The following VPS33B variants were observed in gnomAD, a reference collection of about 807,000 sequenced individuals.
VPS33B encodes the protein vacuolar protein sorting-associated protein 33B.
In VPS33B, 80 loss-of-function variants were observed where a neutral mutation model predicts 95.3. The observed-to-expected ratio is 0.84, with a 90% CI of 0.70 to 1.01. The LOEUF is 1.01. VPS33B is among the 50% of genes least tolerant of loss of function. The probability of loss-of-function intolerance (pLI) is 0.00; values close to 1 mark genes in which losing one functional copy is unlikely to be tolerated. For synonymous variants in VPS33B, 280 were observed against 280.4 expected (o/e 1.00, Z 0.01); for missense variants, 715 against 773.4 (o/e 0.92, Z 0.90).
chr15:91,017,392 ATAT>A (rs2040969102), intron 2 of VPS33B, among the ~76,000 whole-genome samples: 6 of 92,936 alleles, frequency 6.5e-5, no homozygotes, highest in Non-Finnish European at 1.4e-4. Flanking sequence ...ATATATATAT[ATAT>A]ATATATATAT....
chr15:91,005,070 T>C lies in VPS33B; in HGVS notation c.1155A>G (p.Glu385=). The stretch of plus-strand genomic sequence containing the variant: ...ACCTGCGCACCTGCCGGTCTATGTG[T>C]TCCTCAATGTAGCTGGTGCTCTCCC... ...NIRESTSYIE[E]HIDRQVSPIE... is the part of the protein sequence containing the mutation. The change falls in exon 15 of 23, where the codon GAA becomes GAG. Residue 385 remains glutamate, a synonymous_variant. Coordinates refer to ENST00000333371, the MANE Select transcript of VPS33B (RefSeq NM_018668.5). This position sits in a 1 kb window ranked among gnomAD's most constrained non-coding sequence, Gnocchi z 6.4. The C allele has an allele frequency of 6.2e-7, 1 of 1,614,248 alleles. No homozygotes were observed. The highest frequency in any genetic ancestry group is 8.5e-7 in the Non-Finnish European group (1 of 1,180,050).
intron 19 of VPS33B, 56 bp downstream of exon 19, chr15:91,001,333 G>C (rs975180272): frequency 6.1e-6 from 6 of 990,930 alleles, no homozygotes; most frequent in South Asian, 4.1e-5. Context: ...AAAAAGAAAA[G>C]TACTCCACAA....
chr15:91,006,835 C>T lies in VPS33B; in HGVS notation c.701-106G>A. ...TTCCATAGGGCCAAGGACCCACGCT[C>T]CTCAAAGCTGGGATTCACAGCCCTA... On this transcript the variant is annotated intron_variant, in intron 9 of 22. Transcript: ENST00000333371. This position sits in a 1 kb window ranked among gnomAD's most constrained non-coding sequence, Gnocchi z 5.4. The T allele has an allele frequency of 1.3e-6, 2 of 1,583,998 alleles. No homozygotes were observed. The highest frequency in any genetic ancestry group is 1.7e-6 in the Non-Finnish European group (2 of 1,153,164).
intron 18 of VPS33B, among the ~76,000 whole-genome samples, 178 bp downstream of exon 18, chr15:91,001,872 A>T (rs1284373776): frequency 6.6e-6 from 1 of 152,212 alleles, no homozygotes; most frequent in Non-Finnish European, 1.5e-5. Context: ...GCACATGGTA[A>T]GTGTTTACTA....
chr15:91,014,379 C>T lies in VPS33B; in HGVS notation c.289+5G>A. On this transcript the variant is annotated splice_donor_5th_base_variant and intron_variant, in intron 4 of 22. Transcript: ENST00000333371. Reference sequence around the variant, plus strand: ...CAGTTACACATAGTACCATGGCACACTCACTGGCAATGTATCGCATATTCT... The same window carrying T: ...CAGTTACACATAGTACCATGGCACATTCACTGGCAATGTATCGCATATTCT... 1 of 1,614,104 alleles carries T rather than the reference C, an allele frequency of 6.2e-7. No homozygotes were observed. Among genetic ancestry groups the T allele is most frequent in the Non-Finnish European group, 8.5e-7 (1 of 1,180,018 alleles).
chr15:91,008,085 G>C, intron 6 of VPS33B, 121 bp from the exon 7 acceptor site: 1 of 867,310 alleles, frequency 1.2e-6, no homozygotes, highest in Non-Finnish European at 1.9e-6. Context: ...CCACATGCCA[G>C]TACTGCATTA....
rs1221650427 is a variant in VPS33B at position 91,022,452 on chromosome 15, T to C, written c.-203A>G. 5.6e-6 allele frequency: 3 copies of C among 537,206 alleles called. No homozygotes were observed. In the African/African-American group the frequency reaches 5.7e-5, roughly 10 times the overall value. The allele number at this position is 537,206 out of a possible 1,614,324, so 33.3% of individuals were successfully genotyped here. A position where few individuals can be genotyped will look rare whatever the true frequency, so the allele number is the denominator to read the frequency against. ...AGAGAGCTACTACCTCGGAGCAGCCTTGTCTCAGACCTGCAGCCACCGTGT... is the reference window on the plus strand; with the variant it reads ...AGAGAGCTACTACCTCGGAGCAGCCCTGTCTCAGACCTGCAGCCACCGTGT... On this transcript the variant is annotated 5_prime_UTR_variant, in exon 1 of 23. Transcript: ENST00000333371.
At position 91,021,743 on chromosome 15, in the gene VPS33B, GATC is replaced by G. The variant is rs369710691; in HGVS notation, c.96+408_96+410del. ...CACACTCACTTCCTTGAAGCTCCTAGATCATCACCCCAACTAGAAATGATCACT... is the reference window on the plus strand; with the variant it reads ...CACACTCACTTCCTTGAAGCTCCTAGATCACCCCAACTAGAAATGATCACT... On this transcript the variant is annotated intron_variant, in intron 1 of 22. Transcript: ENST00000333371. 7.5e-4 allele frequency among the ~76,000 whole-genome samples: 114 copies of G among 152,288 alleles called. 1 individual carries two copies. Among genetic ancestry groups the G allele is most frequent in the African/African-American group, 2.6e-3 (106 of 41,544 alleles).
chr15:90,999,887 T>C lies in VPS33B; in HGVS notation c.1657+13A>G. ...TCTCACTGCCAGCCTACCCCACTGTTAATGCCACATACCTGTGAATGCAAA... is the reference window on the plus strand; with the variant it reads ...TCTCACTGCCAGCCTACCCCACTGTCAATGCCACATACCTGTGAATGCAAA... On this transcript the variant is annotated intron_variant, in intron 21 of 22. Coordinates refer to ENST00000333371, the MANE Select transcript of VPS33B (RefSeq NM_018668.5). This position sits in a 1 kb window ranked among gnomAD's most constrained non-coding sequence, Gnocchi z 5.1. The C allele has an allele frequency of 6.2e-7, 1 of 1,614,194 alleles. No individual in the cohort carries two copies. Among genetic ancestry groups the C allele is most frequent in the Non-Finnish European group, 8.5e-7 (1 of 1,180,030 alleles).
rs945915893 is a variant in VPS33B at position 91,014,017 on chromosome 15, C to T, written c.290-146G>A. 18 of 955,102 alleles carry T rather than the reference C, an allele frequency of 1.9e-5. No homozygotes were observed. In the African/African-American group the frequency reaches 2.1e-4, roughly 11 times the overall value. The allele number at this position is 955,102 out of a possible 1,614,324, so 59.2% of individuals were successfully genotyped here. A position where few individuals can be genotyped will look rare whatever the true frequency, so the allele number is the denominator to read the frequency against. On this transcript the variant is annotated intron_variant, in intron 4 of 22. Transcript: ENST00000333371. ...TGGATCACCTGAGGTCAGGAGTTTGCGACCAGCCTGGCCAACATGGTGAAA... is the reference window on the plus strand; with the variant it reads ...TGGATCACCTGAGGTCAGGAGTTTGTGACCAGCCTGGCCAACATGGTGAAA...
rs561411412 is a variant in VPS33B at position 91,013,275 on chromosome 15, A to G, written c.357+529T>C. On this transcript the variant is annotated intron_variant, in intron 5 of 22. Transcript: ENST00000333371. The surrounding 1 kb of genome is among the most constrained non-coding windows in gnomAD (Gnocchi z 4.5). ...TGACAGACCCTCTGCTAAACAAATG[A>G]GGATATGTTAATGAATTGAGGATGC... 2.0e-5 allele frequency among the ~76,000 whole-genome samples: 3 copies of G among 152,360 alleles called. No homozygotes were observed. In the South Asian group the frequency reaches 6.2e-4, roughly 32 times the overall value.
chr15:91,018,842 G>C lies in VPS33B; in HGVS notation c.97-957C>G, dbSNP rs546235409. On this transcript the variant is annotated intron_variant, in intron 1 of 22. Coordinates refer to ENST00000333371, the MANE Select transcript of VPS33B (RefSeq NM_018668.5). The surrounding 1 kb of genome is among the most constrained non-coding windows in gnomAD (Gnocchi z 4.7). ...TTGTTTGTTTGTTTTTTGAGATGAA[G>C]TCTCCCTCTGACACCCAGGCTGGAG... 6.6e-6 allele frequency among the ~76,000 whole-genome samples: 1 copy of C among 152,090 alleles called. No individual in the cohort carries two copies. Among genetic ancestry groups the C allele is most frequent in the African/African-American group, 2.4e-5 (1 of 41,398 alleles).
chr15:91,004,222 TA>T (rs57109473), intron 16 of VPS33B, among the ~76,000 whole-genome samples: 298 of 113,718 alleles, frequency 2.6e-3, no homozygotes, highest in Admixed American at 2.5e-3. Flanking sequence ...GACTCTGTCT[TA>T]AAAAAAAAAA....
At chr15:91,019,522 GTTGGTTAGAA>G (rs1310244878) in intron 1 of VPS33B, among the ~76,000 whole-genome samples, 3 of 152,216 alleles carry the variant, frequency 2.0e-5, no homozygotes, top group African/African-American at 4.8e-5. Flanking sequence ...GACCAAAATA[GTTGGTTAGAA>G]TTGAGCAGGA....
chr15:91,006,970 T>A lies in VPS33B; in HGVS notation c.680A>T (p.His227Leu). ...TTTACCTCTGTCCAAGAGAAAGATA[T>A]GTCCAATCTCTGGCCTTCGGCCCTT... The part of the protein sequence containing the change: ...ETKGRRPEIG[H>L]IFLLDRDVDF... Residue 227 changes from histidine to leucine, a missense_variant, in exon 9 of 23, where the codon CAT becomes CTT. By Grantham distance (99) the His-to-Leu change is moderately conservative. Transcript: ENST00000333371. The surrounding 1 kb of genome is among the most constrained non-coding windows in gnomAD (Gnocchi z 5.4). 9 of 1,614,190 alleles carry A rather than the reference T, an allele frequency of 5.6e-6. No homozygotes were observed. The highest frequency in any genetic ancestry group is 6.8e-6 in the Non-Finnish European group (8 of 1,180,042).
Position 90,999,013 on chromosome 15 carries a change from C to G in VPS33B, c.1816G>C (p.Ala606Pro), listed in dbSNP as rs755882410. The G allele has an allele frequency of 6.2e-7, 1 of 1,614,060 alleles. No individual in the cohort carries two copies. Among genetic ancestry groups the G allele is most frequent in the Non-Finnish European group, 8.5e-7 (1 of 1,180,034 alleles). ...TCACTCATGGCCTCCATAAGGCGAG[C>G]GCTGTTTGTGACTGCTGTCGTCAGG... is the stretch of plus-strand genomic sequence containing the variant. Reference protein sequence around the residue: ...IFLTTAVTNSARLMEAMSEVK... With the variant: ...IFLTTAVTNSPRLMEAMSEVK... The change falls in exon 23 of 23, where the codon GCT (alanine) becomes CCT (proline). Residue 606 changes from alanine (A) to proline (P), a missense_variant. Transcript: ENST00000333371. The surrounding 1 kb of genome is among the most constrained non-coding windows in gnomAD (Gnocchi z 5.1).
At chr15:91,021,660 C>T (rs2041105914) in intron 1 of VPS33B, among the ~76,000 whole-genome samples, 1 of 152,198 alleles carries the variant, frequency 6.6e-6, no homozygotes, top group Non-Finnish European at 1.5e-5. Flanking sequence ...CAACTTTGCT[C>T]CTACCAATCT....
At chr15:91,001,963 A>C (rs1596351227) in intron 18 of VPS33B, 87 bp downstream of exon 18, 1 of 1,600,598 alleles carries the variant, frequency 6.2e-7, no homozygotes, top group East Asian at 2.2e-5. Flanking sequence ...CACCTTCTCC[A>C]ATTCATTCTG....
chr15:91,006,271 C>T lies in VPS33B; in HGVS notation c.852+101G>A. The T allele has an allele frequency of 6.5e-7, 1 of 1,539,570 alleles. No homozygotes were observed. Among genetic ancestry groups the T allele is most frequent in the South Asian group, 1.1e-5 (1 of 89,474 alleles). On this transcript the variant is annotated intron_variant, in intron 11 of 22. Coordinates refer to ENST00000333371, the MANE Select transcript of VPS33B (RefSeq NM_018668.5). This position sits in a 1 kb window ranked among gnomAD's most constrained non-coding sequence, Gnocchi z 5.4. ...CTCTCTCCCATAGACTCAGCCTCCC[C>T]TCTCAGAGCTGGGGCCCACAGCCTG...
Sources: gnomAD v4.1 joint callset for allele counts (sites outside exome capture counted in the v4.1 genomes callset) on GRCh38, gnomAD v4.1.1 for gene constraint, Gnocchi (gnomAD v3.1) non-coding constraint, MANE v1.5 for transcripts, NCBI Gene and HGNC (gene_info 2026-07-23, HGNC 2026-07-21) for gene names.